Variants in LIMS1 observed in about 807,000 individuals in gnomAD.
The protein encoded by LIMS1 is LIM and senescent cell antigen-like-containing domain protein 1.
A neutral mutation model predicts 44.1 loss-of-function variants in LIMS1; 18 were observed. That is an observed-to-expected ratio of 0.41 (90% CI 0.28 to 0.61). The LOEUF is 0.61. Among genes scored for constraint, LIMS1 ranks in the 20% least tolerant of loss-of-function variants. The pLI is 0.32. For missense variants in LIMS1, 201 were observed against 422.0 expected (o/e 0.48, Z 4.59); for synonymous variants, 93 against 149.1 (o/e 0.62, Z 2.74).
exon 10 of LIMS1, chr2:108,686,412 T>A (rs1007718137): frequency 2.0e-5 from 3 of 152,060 alleles, no homozygotes; most frequent in Admixed American, 1.3e-4. Context: ...CTAGATACAG[T>A]ACTTTCTTCC....
chr2:108,639,744 C>A (rs1026235870), intron 1 of LIMS1, among the ~76,000 whole-genome samples: 1 of 152,238 alleles, frequency 6.6e-6, no homozygotes, highest in African/African-American at 2.4e-5. Context: ...AGTCACCGTG[C>A]CCAGCCGTGT....
At position 108,599,478 on chromosome 2, in the gene LIMS1, A is replaced by C. The variant is rs1309993884; in HGVS notation, c.33-60127A>C. ...TTTAGGTTCCTTCCAAATCTTGGCT[A>C]TTGTGATCAGTGCTGCAGATATCTC... is the stretch of plus-strand genomic sequence containing the variant. On this transcript the variant is annotated intron_variant, in intron 1 of 9. Coordinates refer to ENST00000544547, the Ensembl canonical transcript of LIMS1. Among the ~76,000 whole-genome samples, 3 of 152,014 alleles carry C rather than the reference A, an allele frequency of 2.0e-5. No homozygotes were observed. In the East Asian group the frequency reaches 5.8e-4, roughly 29 times the overall value.
exon 10 of LIMS1, chr2:108,684,570 T>C (rs2149029911): frequency 1.3e-5 from 2 of 152,244 alleles, no homozygotes; most frequent in Middle Eastern, 3.4e-3. Flanking sequence ...TTTAGTTAAA[T>C]GCAATAATTA....
At chr2:108,582,767 T>G (rs1024159844) in intron 1 of LIMS1, among the ~76,000 whole-genome samples, 2 of 152,110 alleles carry the variant, frequency 1.3e-5, no homozygotes, top group African/African-American at 4.8e-5. Flanking sequence ...GAACAAGATG[T>G]TGTCTCAAAA....
chr2:108,670,670 T>C (rs1193597764), intron 2 of LIMS1, 111 bp from the exon 3 acceptor site: 36 of 698,658 alleles, frequency 5.2e-5, no homozygotes, highest in Non-Finnish European at 9.9e-6. Flanking sequence ...TATAAATTCT[T>C]AGAGTAGAAC....
intron 1 of LIMS1, chr2:108,588,556 G>A: frequency 1.0e-6 from 1 of 985,550 alleles, no homozygotes; most frequent in Non-Finnish European, 1.2e-6. Context: ...AGTGACTAAG[G>A]CAAAGGAGTG....
At chr2:108,552,847 G>A (rs969236643) in intron 1 of LIMS1, among the ~76,000 whole-genome samples, 2 of 151,986 alleles carry the variant, frequency 1.3e-5, no homozygotes, top group Non-Finnish European at 2.9e-5. Context: ...CAAAGTGCTG[G>A]AATTACAGAC....
chr2:108,573,510 C>G (rs1252796211), intron 1 of LIMS1, among the ~76,000 whole-genome samples: 3 of 152,122 alleles, frequency 2.0e-5, no homozygotes, highest in Non-Finnish European at 4.4e-5. Flanking sequence ...TCAAAACAAC[C>G]CTGCAAAGTA....
intron 1 of LIMS1, among the ~76,000 whole-genome samples, chr2:108,575,759 C>G (rs868053295): frequency 3.3e-5 from 5 of 152,142 alleles, no homozygotes; most frequent in Admixed American, 2.0e-4. Context: ...TTGCAGAAAT[C>G]AATCCTGAGT....
intron 1 of LIMS1, among the ~76,000 whole-genome samples, chr2:108,583,700 C>CTTTTCTT (rs1553455343): frequency 3.1e-5 from 4 of 129,858 alleles, no homozygotes; most frequent in Non-Finnish European, 4.8e-5. Context: ...GTTGCTGTTT[C>CTTTTCTT]TTTTTTTTTT....
At chr2:108,659,102 G>A (rs145238366) in intron 1 of LIMS1, 52,128 of 973,154 alleles carry the variant, frequency 0.054, 2,288 homozygotes, top group Non-Finnish European at 0.059. Flanking sequence ...GGCTACTTAA[G>A]CAGTTGTTTT....
chr2:108,674,033 G>C (rs1301221919), intron 5 of LIMS1: 1 of 152,098 alleles, frequency 6.6e-6, no homozygotes, highest in Non-Finnish European at 1.5e-5. Context: ...AAATTTAGTG[G>C]ATAAAGATTC....
intron 1 of LIMS1, chr2:108,621,536 T>A: frequency 9.5e-7 from 1 of 1,058,128 alleles, no homozygotes; most frequent in Non-Finnish European, 1.4e-6. Context: ...CATGCCTAAG[T>A]GGATGCAGCG....
At chr2:108,568,294 C>A (rs943714879) in intron 1 of LIMS1, among the ~76,000 whole-genome samples, 1 of 152,192 alleles carries the variant, frequency 6.6e-6, no homozygotes. Context: ...AATATTTGTT[C>A]TTTTGTGACT....
At chr2:108,535,199 A>G (rs1684088697) in intron 1 of LIMS1, among the ~76,000 whole-genome samples, 1 of 152,252 alleles carries the variant, frequency 6.6e-6, no homozygotes, top group African/African-American at 2.4e-5. Context: ...TTTGCAGTTC[A>G]GTCTGTTGCG....
chr2:108,659,646 G>A, exon 2 of LIMS1: 2 of 1,612,170 alleles, frequency 1.2e-6, no homozygotes, highest in Non-Finnish European at 1.7e-6. Context: ...TGCGAGCGCT[G>A]CAAGGGCGGC....
At chr2:108,656,390 T>C (rs1236805863) in intron 1 of LIMS1, among the ~76,000 whole-genome samples, 2 of 152,098 alleles carry the variant, frequency 1.3e-5, no homozygotes, top group Non-Finnish European at 2.9e-5. Context: ...TCAACACTTT[T>C]TACTGAAAAT....
intron 1 of LIMS1, among the ~76,000 whole-genome samples, chr2:108,612,935 A>C (rs2148855550): frequency 6.6e-6 from 1 of 152,190 alleles, no homozygotes; most frequent in South Asian, 2.1e-4. Flanking sequence ...TGACCTTGTG[A>C]TGGTCTGTGG....
At chr2:108,667,326 G>A (rs866285966) in intron 2 of LIMS1, among the ~76,000 whole-genome samples, 4 of 152,064 alleles carry the variant, frequency 2.6e-5, no homozygotes, top group African/African-American at 9.7e-5. Context: ...GACCAAAGCA[G>A]TATCGCTTTT....
Sources: gnomAD v4.1 joint callset for allele counts (sites outside exome capture counted in the v4.1 genomes callset) on GRCh38, gnomAD v4.1.1 for gene constraint, MANE v1.5 for transcripts, NCBI Gene and HGNC (gene_info 2026-07-23, HGNC 2026-07-21) for gene names.